Variants in PTPRN2 observed in about 807,000 individuals in gnomAD.
PTPRN2 encodes protein tyrosine phosphatase receptor type N2.
In PTPRN2, 74 loss-of-function variants were observed where a neutral mutation model predicts 118.8. The observed-to-expected ratio is 0.62, with a 90% CI of 0.52 to 0.76. The LOEUF is 0.76. Among genes scored for constraint, PTPRN2 ranks in the 30% least tolerant of loss-of-function variants. The pLI is 0.00. For missense variants in PTPRN2, 1,481 were observed against 1,394.4 expected (o/e 1.06, Z -0.99); for synonymous variants, 641 against 608.0 (o/e 1.05, Z -0.80).
At chr7:158,341,797 C>G (rs796103636) in intron 2 of PTPRN2, among the ~76,000 whole-genome samples, 1 of 139,210 alleles carries the variant, frequency 7.2e-6, no homozygotes, top group Non-Finnish European at 1.5e-5. Context: ...CTCACACCCA[C>G]ACTCTCACCG....
chr7:158,372,282 G>C (rs143546721), intron 2 of PTPRN2, among the ~76,000 whole-genome samples: 2 of 146,520 alleles, frequency 1.4e-5, no homozygotes, highest in Non-Finnish European at 3.0e-5. Context: ...TCCCCCCAAC[G>C]CTGGTCCCCG....
intron 15 of PTPRN2, among the ~76,000 whole-genome samples, chr7:157,612,848 T>G (rs1235736279): frequency 6.6e-6 from 1 of 151,912 alleles, no homozygotes; most frequent in Non-Finnish European, 1.5e-5. Flanking sequence ...GGCGCTGGGG[T>G]GAAGCGGGGA....
intron 12 of PTPRN2, among the ~76,000 whole-genome samples, chr7:157,846,512 C>T (rs1374702047): frequency 3.3e-5 from 5 of 152,000 alleles, no homozygotes; most frequent in Admixed American, 3.3e-4. Flanking sequence ...AATTTTGGGG[C>T]CGGAACGGAG....
chr7:157,789,105 T>A (rs1311818787), intron 12 of PTPRN2, among the ~76,000 whole-genome samples: 1 of 152,212 alleles, frequency 6.6e-6, no homozygotes, highest in Non-Finnish European at 1.5e-5. Context: ...GGTCAGCAAC[T>A]TTAGGTAATG....
intron 12 of PTPRN2, among the ~76,000 whole-genome samples, chr7:157,781,806 A>G (rs891433046): frequency 6.6e-6 from 1 of 152,244 alleles, no homozygotes; most frequent in African/African-American, 2.4e-5. Flanking sequence ...CCTCCCAGCC[A>G]GCTCCAAATC....
rs1472109076 is a variant in PTPRN2 at position 157,927,343 on chromosome 7, C to T, written c.1724-28606G>A. Among the ~76,000 whole-genome samples the T allele has an allele frequency of 2.2e-5, 2 of 89,480 alleles. 1 individual carries two copies. Among genetic ancestry groups the T allele is most frequent in the African/African-American group, 9.1e-5 (2 of 22,096 alleles). 58.7% of individuals were successfully genotyped at this position (89,480 alleles called of 152,430 possible). A position where few individuals can be genotyped will look rare whatever the true frequency, so the allele number is the denominator to read the frequency against. The stretch of plus-strand genomic sequence containing the variant: ...ACCCCAAGACAGGAAGCCCCAGGGA[C>T]CCGTCTGAGAGCAGAGACCTCACGT... On this transcript the variant is annotated intron_variant, in intron 11 of 22. Coordinates refer to ENST00000389418, the MANE Select transcript of PTPRN2 (RefSeq NM_002847.5).
intron 11 of PTPRN2, chr7:158,027,695 T>C (rs1017669410): frequency 9.2e-5 from 14 of 152,200 alleles, no homozygotes; most frequent in Non-Finnish European, 1.9e-4. Flanking sequence ...TCTAAAAATA[T>C]GATTGAGAAA....
intron 3 of PTPRN2, among the ~76,000 whole-genome samples, chr7:158,227,331 C>T (rs538288637): frequency 5.3e-5 from 8 of 151,990 alleles, no homozygotes; most frequent in Admixed American, 1.3e-4. Flanking sequence ...GAGAGAGAGG[C>T]GGTATTCATT....
intron 2 of PTPRN2, among the ~76,000 whole-genome samples, chr7:158,358,089 A>G (rs1017849986): frequency 2.0e-5 from 3 of 152,224 alleles, no homozygotes; most frequent in Non-Finnish European, 4.4e-5. Flanking sequence ...AGTTACTCGA[A>G]TACATGAACT....
intron 6 of PTPRN2, among the ~76,000 whole-genome samples, chr7:158,157,760 C>T (rs1475829717): frequency 6.6e-6 from 1 of 152,232 alleles, no homozygotes; most frequent in Non-Finnish European, 1.5e-5. Context: ...CCCCCAGCAC[C>T]CCGGGTGCCC....
At chr7:158,434,316 G>A (rs113982584) in intron 2 of PTPRN2, among the ~76,000 whole-genome samples, 24 of 152,072 alleles carry the variant, frequency 1.6e-4, no homozygotes, top group South Asian at 1.2e-3. Context: ...TATTCTCTCC[G>A]GTAATTATCT....
rs73510537 is a variant in PTPRN2 at position 158,539,950 on chromosome 7, G to C, written c.112+47608C>G. ...CCTGGACCTGGTGACGGCTGGAACC[G>C]GACGGTGCACTGTGAACCTGGAGCT... is the stretch of plus-strand genomic sequence containing the variant. On this transcript the variant is annotated intron_variant, in intron 1 of 22. Coordinates refer to ENST00000389418, the MANE Select transcript of PTPRN2 (RefSeq NM_002847.5). The C allele has an allele frequency of 6.0e-3, 1,465 of 243,214 alleles. 21 individuals are homozygous for C. Among genetic ancestry groups the C allele is most frequent in the African/African-American group, 0.032 (1,365 of 42,120 alleles). 15.1% of individuals were successfully genotyped at this position (243,214 alleles called of 1,614,324 possible).
chr7:158,336,727 G>T (rs1419996463), intron 2 of PTPRN2, among the ~76,000 whole-genome samples: 47 of 111,834 alleles, frequency 4.2e-4, no homozygotes, highest in African/African-American at 1.5e-3. Flanking sequence ...CACCAAAAGA[G>T]CTGACGCCCG....
At chr7:157,577,654 C>T (rs972956600) in intron 18 of PTPRN2, among the ~76,000 whole-genome samples, 3 of 152,184 alleles carry the variant, frequency 2.0e-5, no homozygotes, top group African/African-American at 7.2e-5. Context: ...TATATGGGAC[C>T]GGGACCACGC....
chr7:158,136,670 A>G lies in PTPRN2; in HGVS notation c.1158T>C (p.Asp386=), dbSNP rs769723909. The part of the protein sequence containing the change: ...FPDDGVQDDD[D]RLYQEVHRLS... The stretch of plus-strand genomic sequence containing the variant: ...GTCATCTTACCTCTTGGTAAAGTCT[A>G]TCATCGTCGTCCTGCACTCCGTCAT... The change falls in exon 8 of 23, where the codon GAT becomes GAC. Residue 386 remains aspartate, a synonymous_variant. Coordinates refer to ENST00000389418, the MANE Select transcript of PTPRN2 (RefSeq NM_002847.5). 8 of 1,613,782 alleles carry G rather than the reference A, an allele frequency of 5.0e-6. No homozygotes were observed. The highest frequency in any genetic ancestry group is 1.6e-4 in the Middle Eastern group (1 of 6,084).
intron 6 of PTPRN2, among the ~76,000 whole-genome samples, chr7:158,154,303 G>C (rs1421234109): frequency 6.6e-6 from 1 of 152,218 alleles, no homozygotes; most frequent in Non-Finnish European, 1.5e-5. Flanking sequence ...CCAGCCTCAT[G>C]AGCCCTCTGT....
chr7:157,909,119 A>G (rs918957231), intron 11 of PTPRN2, among the ~76,000 whole-genome samples: 1 of 152,238 alleles, frequency 6.6e-6, no homozygotes, highest in Non-Finnish European at 1.5e-5. Flanking sequence ...TTACCAGCCC[A>G]TCGAGAGAAC....
chr7:158,337,333 A>C (rs1448127720), intron 2 of PTPRN2, among the ~76,000 whole-genome samples: 84 of 148,568 alleles, frequency 5.7e-4, no homozygotes, highest in African/African-American at 2.1e-3. Context: ...CCACACTGTC[A>C]CCCTAAGAGG....
chr7:158,160,846 G>A (rs1359217433), intron 6 of PTPRN2, among the ~76,000 whole-genome samples: 1 of 152,204 alleles, frequency 6.6e-6, no homozygotes, highest in African/African-American at 2.4e-5. Flanking sequence ...GCAAAAATAC[G>A]AATGTTATTA....
Sources: gnomAD v4.1 joint callset for allele counts (sites outside exome capture counted in the v4.1 genomes callset) on GRCh38, gnomAD v4.1.1 for gene constraint, MANE v1.5 for transcripts, NCBI Gene and HGNC (gene_info 2026-07-23, HGNC 2026-07-21) for gene names.